Variants in KAZN observed in about 807,000 individuals in gnomAD.
KAZN encodes kazrin.
In KAZN, 40 loss-of-function variants were observed where a neutral mutation model predicts 87.4. That is an observed-to-expected ratio of 0.46 (90% confidence interval 0.36 to 0.60). The LOEUF (loss-of-function observed/expected upper bound fraction) is 0.60, where lower values mean the gene tolerates loss of function less well. Among genes scored for constraint, KAZN ranks in the 20% least tolerant of loss-of-function variants. KAZN has a pLI of 0.00. For synonymous variants in KAZN, 466 were observed against 458.3 expected (o/e 1.02, Z -0.22); for missense variants, 898 against 1,073.9 (o/e 0.84, Z 2.29).
chr1:14,476,582 A>G (rs530983759), intron 2 of KAZN, among the ~76,000 whole-genome samples: 2 of 152,206 alleles, frequency 1.3e-5, no homozygotes, highest in Non-Finnish European at 2.9e-5. Context: ...TTCTTGATAT[A>G]ATAACAATTA....
intron 2 of KAZN, among the ~76,000 whole-genome samples, chr1:14,338,356 G>A (rs1341010097): frequency 3.3e-5 from 5 of 151,912 alleles, no homozygotes; most frequent in Non-Finnish European, 5.9e-5. Context: ...ACGGCAGTGT[G>A]CACCTGTAGT....
intron 4 of KAZN, among the ~76,000 whole-genome samples, chr1:15,050,721 G>T (rs115516645): frequency 0.06 from 9,073 of 152,212 alleles, 300 homozygotes; most frequent in African/African-American, 0.089. Flanking sequence ...CCAGAGTGGT[G>T]GGGGGCCTGC....
chr1:15,026,009 C>T (rs939658735), intron 2 of KAZN, among the ~76,000 whole-genome samples: 2 of 151,862 alleles, frequency 1.3e-5, no homozygotes, highest in East Asian at 3.9e-4. Flanking sequence ...TCACCTTACT[C>T]ATCTTTGAAA....
chr1:14,679,753 G>A (rs1481405507), intron 1 of KAZN, among the ~76,000 whole-genome samples: 3 of 152,178 alleles, frequency 2.0e-5, no homozygotes, highest in Admixed American at 2.0e-4. Context: ...AGAGAGGTAA[G>A]AAACATGCCC....
chr1:14,086,112 A>G (rs559484255), intron 1 of KAZN, among the ~76,000 whole-genome samples: 2 of 152,306 alleles, frequency 1.3e-5, no homozygotes, highest in African/African-American at 2.4e-5. Context: ...ATTTCATACA[A>G]TTGAGTTTTA....
intron 1 of KAZN, among the ~76,000 whole-genome samples, chr1:14,801,366 GT>G (rs1286539970): frequency 6.6e-6 from 1 of 152,188 alleles, no homozygotes; most frequent in East Asian, 1.9e-4. Context: ...GTGACGAGGG[GT>G]GGCACGCACA....
chr1:13,931,002 C>A (rs72871381), intron 1 of KAZN, among the ~76,000 whole-genome samples: 4,670 of 152,276 alleles, frequency 0.031, 219 homozygotes, highest in African/African-American at 0.11. Flanking sequence ...CTGACCCCTA[C>A]AAGTCTGTCT....
intron 2 of KAZN, among the ~76,000 whole-genome samples, chr1:14,543,866 A>G (rs898747182): frequency 4.8e-4 from 73 of 152,328 alleles, no homozygotes; most frequent in African/African-American, 1.8e-3. Context: ...TGACCAATTA[A>G]ATGAAAGGAC....
At chr1:14,532,372 CA>C (rs1203346173) in intron 2 of KAZN, among the ~76,000 whole-genome samples, 1 of 152,204 alleles carries the variant, frequency 6.6e-6, no homozygotes, top group East Asian at 1.9e-4. Context: ...AGTCCGAGGA[CA>C]TTCCGGAGAC....
At chr1:13,968,491 C>T (rs548558109) in intron 1 of KAZN, among the ~76,000 whole-genome samples, 1 of 152,248 alleles carries the variant, frequency 6.6e-6, no homozygotes, top group African/African-American at 2.4e-5. Flanking sequence ...CTGCTGTTGC[C>T]CTCTTACTCC....
At chr1:14,153,144 GTTGTC>G in intron 1 of KAZN, among the ~76,000 whole-genome samples, 1 of 152,294 alleles carries the variant, frequency 6.6e-6, no homozygotes, top group African/African-American at 2.4e-5. Context: ...ATATTTGGGA[GTTGTC>G]TTGTCACTTT....
chr1:14,177,707 T>C (rs1388074773), intron 1 of KAZN, among the ~76,000 whole-genome samples: 1 of 152,044 alleles, frequency 6.6e-6, no homozygotes, highest in East Asian at 1.9e-4. Flanking sequence ...AAACTCTACA[T>C]GACTAGGCAA....
At chr1:14,049,797 C>T (rs1030432157) in intron 1 of KAZN, among the ~76,000 whole-genome samples, 1 of 152,180 alleles carries the variant, frequency 6.6e-6, no homozygotes, top group Non-Finnish European at 1.5e-5. Context: ...CCAGACAGTG[C>T]CCTTGCTCTC....
intron 1 of KAZN, among the ~76,000 whole-genome samples, chr1:14,894,296 G>C (rs1655030027): frequency 6.6e-6 from 1 of 152,090 alleles, no homozygotes; most frequent in African/African-American, 2.4e-5. Flanking sequence ...GCCATTTGCT[G>C]TTCCTTCTCC....
chr1:15,069,087 C>T (rs562362645), intron 8 of KAZN, among the ~76,000 whole-genome samples: 32 of 149,682 alleles, frequency 2.1e-4, no homozygotes, highest in South Asian at 1.2e-3. Context: ...TTTAAATCTC[C>T]TCTGGTGATT....
intron 2 of KAZN, among the ~76,000 whole-genome samples, chr1:14,288,565 C>G (rs1008681057): frequency 6.6e-6 from 1 of 152,110 alleles, no homozygotes; most frequent in African/African-American, 2.4e-5. Flanking sequence ...TGATTCTTCT[C>G]TCTTTTCTTC....
intron 1 of KAZN, among the ~76,000 whole-genome samples, chr1:14,096,472 C>T (rs943197854): frequency 1.3e-5 from 2 of 152,200 alleles, no homozygotes; most frequent in African/African-American, 4.8e-5. Context: ...TCACCACCTG[C>T]TGACAAAACC....
chr1:14,457,846 C>G (rs1284847610), intron 2 of KAZN, among the ~76,000 whole-genome samples: 1 of 144,202 alleles, frequency 6.9e-6, no homozygotes, highest in Non-Finnish European at 1.5e-5. Flanking sequence ...GAAACGGAAT[C>G]TCGCTGTGTC....
At position 15,101,815 on chromosome 1, in the gene KAZN, C is replaced by T. The variant is rs754098129; in HGVS notation, c.1779+41C>T. The T allele has an allele frequency of 9.9e-5, 132 of 1,335,854 alleles. 14 individuals carry two copies. In the Admixed American group the frequency reaches 1.0e-3, roughly 10 times the overall value. 82.8% of individuals were successfully genotyped at this position (1,335,854 alleles called of 1,614,324 possible). A position where few individuals can be genotyped will look rare whatever the true frequency, so the allele number is the denominator to read the frequency against. ...CAGGGTGGGGGCACCTTCCACTGCCCACCCCTCCCCTCTTGGCATCTACTG... is the reference window on the plus strand; with the variant it reads ...CAGGGTGGGGGCACCTTCCACTGCCTACCCCTCCCCTCTTGGCATCTACTG... On this transcript the variant is annotated intron_variant, in intron 11 of 14. Coordinates refer to ENST00000376030, the MANE Select transcript of KAZN (RefSeq NM_201628.3).
Sources: allele counts gnomAD v4.1 joint callset (sites outside exome capture counted in the v4.1 genomes callset), GRCh38; gene constraint gnomAD v4.1.1; transcripts MANE v1.5; gene names NCBI Gene and HGNC (gene_info 2026-07-23, HGNC 2026-07-21).